The following RIMS1 variants were observed in gnomAD, a reference collection of about 807,000 sequenced individuals.
RIMS1 encodes the protein regulating synaptic membrane exocytosis 1.
Under a neutral mutation model 214.1 loss-of-function variants are expected in RIMS1, and 83 were observed. The observed-to-expected ratio is 0.39, with a 90% CI of 0.32 to 0.47. The LOEUF is 0.47. Among genes scored for constraint, RIMS1 ranks in the 20% least tolerant of loss-of-function variants. The pLI is 0.99. For synonymous variants in RIMS1, 793 were observed against 786.8 expected, an observed-to-expected ratio of 1.01 and a Z score of -0.13; for missense variants, 2,050 against 2,161.8, an observed-to-expected ratio of 0.95 and a Z score of 1.03.
At chr6:71,908,831 A>G (rs377561059) in intron 1 of RIMS1, among the ~76,000 whole-genome samples, 63 of 152,264 alleles carry the variant, frequency 4.1e-4, no homozygotes, top group African/African-American at 1.5e-3. Context: ...TTGTTTAGAA[A>G]ATTAAGACCC....
intron 6 of RIMS1, among the ~76,000 whole-genome samples, chr6:72,217,471 A>T (rs921341857): frequency 2.6e-5 from 4 of 152,212 alleles, no homozygotes; most frequent in Admixed American, 2.6e-4. Flanking sequence ...ACATTAAATT[A>T]TATACATTTT....
intron 29 of RIMS1, among the ~76,000 whole-genome samples, chr6:72,383,608 T>TAAAAAA (rs1170633297): frequency 5.8e-5 from 5 of 85,920 alleles, no homozygotes; most frequent in Admixed American, 1.4e-4. Context: ...ACCCCATCTC[T>TAAAAAA]AAAAAAAAAA....
chr6:71,926,878 G>T (rs923786917), intron 1 of RIMS1, among the ~76,000 whole-genome samples: 2 of 151,910 alleles, frequency 1.3e-5, no homozygotes, highest in Middle Eastern at 3.2e-3. Flanking sequence ...GCATTGTGCG[G>T]GGTGTAGAAT....
chr6:72,010,991 A>G (rs922874997), intron 2 of RIMS1, among the ~76,000 whole-genome samples: 2 of 152,228 alleles, frequency 1.3e-5, no homozygotes, highest in Non-Finnish European at 1.5e-5. Flanking sequence ...TAAAGTTCAT[A>G]TGGAACCAAA....
chr6:71,991,565 G>A (rs1229910577), intron 2 of RIMS1, among the ~76,000 whole-genome samples: 11 of 152,146 alleles, frequency 7.2e-5, no homozygotes, highest in Non-Finnish European at 1.3e-4. Flanking sequence ...ATATCAGACC[G>A]GATTCCTGCT....
intron 4 of RIMS1, among the ~76,000 whole-genome samples, chr6:72,129,027 T>C (rs1200167838): frequency 6.6e-6 from 1 of 152,192 alleles, no homozygotes; most frequent in African/African-American, 2.4e-5. Context: ...CATTACTGCC[T>C]TTAACAAATT....
chr6:71,911,021 A>G (rs1453484106), intron 1 of RIMS1, among the ~76,000 whole-genome samples: 2 of 152,120 alleles, frequency 1.3e-5, no homozygotes, highest in African/African-American at 4.8e-5. Flanking sequence ...TAATTTAGGC[A>G]TTAGGTTCTA....
rs1352380299 is a variant in RIMS1 at position 72,333,773 on chromosome 6, G to A, written c.4304G>A (p.Ser1435Asn). 6.3e-7 allele frequency: 1 copy of A among 1,598,546 alleles called. No homozygotes were observed. Among genetic ancestry groups the A allele is most frequent in the Non-Finnish European group, 8.5e-7 (1 of 1,172,406 alleles). ...AGGKKRRSSL[S>N]AKVVAIVSRR... is the part of the protein sequence containing the mutation. ...GGAAAGAAACGGAGATCCAGCCTTA[G>A]TGCCAAAGTGGTTGCCATAGTGTCT... The change falls in exon 29 of 34, where the codon AGT (serine) becomes AAT (asparagine). Residue 1435 changes from serine (S) to asparagine (N), a missense_variant. Ser to Asn is a conservative substitution (Grantham distance 46, BLOSUM62 1). Coordinates refer to ENST00000521978, the MANE Select transcript of RIMS1 (RefSeq NM_014989.7).
intron 6 of RIMS1, among the ~76,000 whole-genome samples, chr6:72,214,733 T>G (rs1172692669): frequency 6.6e-6 from 1 of 152,192 alleles, no homozygotes; most frequent in Non-Finnish European, 1.5e-5. Context: ...ATTCTTTTTT[T>G]TTTTGGGAGA....
At chr6:71,929,747 G>A (rs142785311) in intron 1 of RIMS1, among the ~76,000 whole-genome samples, 22 of 152,086 alleles carry the variant, frequency 1.4e-4, no homozygotes, top group East Asian at 1.2e-3. Flanking sequence ...AGTTGAGGCC[G>A]CGAAAGATAT....
intron 19 of RIMS1, chr6:72,261,063 A>G: frequency 8.2e-7 from 1 of 1,219,754 alleles, no homozygotes; most frequent in South Asian, 1.6e-5. Context: ...TTAAAATTCT[A>G]AATGCTCACT....
In RIMS1 at chr6:72,250,225, T is replaced by A. The variant is rs2072557909; in HGVS notation, c.2242-105T>A. ...AGAAATATCTGTAATTGCATTATAT[T>A]GTAATTCAAAATTTCCTCATTTAAA... On this transcript the variant is annotated intron_variant, in intron 12 of 33. Transcript: ENST00000521978. 3 of 1,050,710 alleles carry A rather than the reference T, an allele frequency of 2.9e-6. No homozygotes were observed. In the East Asian group the frequency reaches 7.9e-5, roughly 28 times the overall value. 65.1% of individuals were successfully genotyped at this position (1,050,710 alleles called of 1,614,324 possible).
chr6:71,968,551 T>G (rs1241275665), intron 1 of RIMS1, among the ~76,000 whole-genome samples: 2 of 152,188 alleles, frequency 1.3e-5, no homozygotes, highest in Non-Finnish European at 1.5e-5. Flanking sequence ...GTGTGGTGAT[T>G]GATGGTGTGA....
At chr6:71,938,103 G>A (rs1181045846) in intron 1 of RIMS1, among the ~76,000 whole-genome samples, 2 of 152,266 alleles carry the variant, frequency 1.3e-5, no homozygotes, top group East Asian at 3.9e-4. Flanking sequence ...CAAGAATAAA[G>A]GAGTAACTGG....
intron 11 of RIMS1, among the ~76,000 whole-genome samples, chr6:72,247,602 G>A (rs1221887585): frequency 1.3e-5 from 2 of 150,516 alleles, no homozygotes; most frequent in Non-Finnish European, 3.0e-5. Context: ...GCAAAGTCTT[G>A]GCTTAGATGT....
chr6:72,115,402 T>C (rs2036882810), intron 4 of RIMS1, among the ~76,000 whole-genome samples: 1 of 151,998 alleles, frequency 6.6e-6, no homozygotes, highest in African/African-American at 2.4e-5. Context: ...CAGTGTCAAG[T>C]TGATGAATTT....
intron 16 of RIMS1, among the ~76,000 whole-genome samples, chr6:72,254,789 G>A (rs1288017792): frequency 2.6e-5 from 4 of 152,142 alleles, no homozygotes; most frequent in East Asian, 1.9e-4. Context: ...TAGTGCTTGA[G>A]TACCACCAAG....
intron 6 of RIMS1, among the ~76,000 whole-genome samples, chr6:72,187,478 T>TG (rs900343180): frequency 7.0e-5 from 7 of 99,450 alleles, no homozygotes; most frequent in African/African-American, 3.2e-4. Flanking sequence ...ATATCCTTTT[T>TG]GTTTTTTTTT....
chr6:72,102,100 T>C (rs2033737357), intron 4 of RIMS1, among the ~76,000 whole-genome samples: 1 of 151,984 alleles, frequency 6.6e-6, no homozygotes, highest in African/African-American at 2.4e-5. Flanking sequence ...TGTTTTACTA[T>C]TTGGTGGCAG....
Sources: gnomAD v4.1 joint callset for allele counts (sites outside exome capture counted in the v4.1 genomes callset) on GRCh38, gnomAD v4.1.1 for gene constraint, MANE v1.5 for transcripts, NCBI Gene and HGNC (gene_info 2026-07-23, HGNC 2026-07-21) for gene names.